NECAB3: variants seen among roughly 807,000 people sequenced by gnomAD.
NECAB3 encodes the protein N-terminal EF-hand calcium-binding protein 3.
Under a neutral mutation model 57.2 loss-of-function variants are expected in NECAB3, and 38 were observed. That is an observed-to-expected ratio of 0.66 (90% CI 0.51 to 0.87). The LOEUF (loss-of-function observed/expected upper bound fraction) is 0.87, where lower values mean the gene tolerates loss of function less well. Ranked by LOEUF, NECAB3 falls within the 40% of genes least tolerant of loss-of-function variation. The probability of loss-of-function intolerance (pLI) is 0.00; values close to 1 mark genes in which losing one functional copy is unlikely to be tolerated. For synonymous variants in NECAB3, 223 were observed against 222.6 expected (o/e 1.00, Z -0.02); for missense variants, 474 against 527.5 (o/e 0.90, Z 0.99).
intron 5 of NECAB3, chr20:33,662,290 A>AG (rs1244667523): frequency 2.6e-6 from 4 of 1,540,502 alleles, no homozygotes; most frequent in Non-Finnish European, 3.5e-6. Flanking sequence ...GCCAGGGCCC[A>AG]GGGGGCAGAG....
intron 2 of NECAB3, 51 bp downstream of exon 2, chr20:33,672,347 G>GGAT (rs752158923): frequency 6.2e-7 from 1 of 1,611,174 alleles, no homozygotes; most frequent in Non-Finnish European, 8.5e-7. Flanking sequence ...TGGGCCTCCT[G>GGAT]GATGCCTCCC....
intron 9 of NECAB3, 80 bp from the exon 10 acceptor site, chr20:33,658,634 C>G: frequency 1.9e-6 from 3 of 1,600,730 alleles, no homozygotes; most frequent in Non-Finnish European, 2.6e-6. Flanking sequence ...TCATGGGAAC[C>G]CTGACCCACC....
At chr20:33,662,452 T>G (rs909320290) in intron 5 of NECAB3, 1 of 1,551,628 alleles carries the variant, frequency 6.4e-7, no homozygotes, top group South Asian at 1.2e-5. Flanking sequence ...CTCAACCACC[T>G]CACTCGGAAG....
At chr20:33,664,037 A>C in intron 5 of NECAB3, 5 of 574,454 alleles carry the variant, frequency 8.7e-6, no homozygotes, top group Non-Finnish European at 2.8e-6. Context: ...GTCTGGAGCC[A>C]GGGCTGTCTT....
At chr20:33,669,771 G>T in intron 3 of NECAB3, 59 bp from the exon 4 acceptor site, 7 of 1,515,416 alleles carry the variant, frequency 4.6e-6, no homozygotes, top group Non-Finnish European at 6.2e-6. Flanking sequence ...GGACTAATGG[G>T]GCCAATGCCC....
At chr20:33,669,568 G>A in intron 4 of NECAB3, 96 bp from the exon 5 acceptor site, 6 of 1,547,488 alleles carry the variant, frequency 3.9e-6, no homozygotes, top group Non-Finnish European at 4.4e-6. Context: ...AGCCAAGCAG[G>A]CCTTATATCC....
In NECAB3 at chr20:33,660,820, C is replaced by T. The variant is rs114924871; in HGVS notation, c.388-425G>A. Among the ~76,000 whole-genome samples the T allele has an allele frequency of 2.6e-3, 390 of 152,340 alleles. 6 individuals carry two copies. Among genetic ancestry groups the T allele is most frequent in the African/African-American group, 9.0e-3 (375 of 41,564 alleles). On this transcript the variant is annotated intron_variant, in intron 5 of 11. Transcript: ENST00000246190. This position sits in a 1 kb window ranked among gnomAD's most constrained non-coding sequence, Gnocchi z 4.1. ...GGTGTGGCCCCAGACTCACAATCTA[C>T]GTATTCACTCATTCATTCATTCACT...
intron 1 of NECAB3, 112 bp from the exon 2 acceptor site, chr20:33,672,534 C>G: frequency 7.7e-7 from 1 of 1,306,430 alleles, no homozygotes; most frequent in South Asian, 1.2e-5. Context: ...CCTCGCCTTT[C>G]CTCCCGCCCA....
rs1049249205 is a variant in NECAB3 at position 33,660,772 on chromosome 20, G to A, written c.388-377C>T. Among the ~76,000 whole-genome samples the A allele has an allele frequency of 1.3e-5, 2 of 152,242 alleles. No individual in the cohort carries two copies. The highest frequency in any genetic ancestry group is 4.8e-5 in the African/African-American group (2 of 41,460). On this transcript the variant is annotated intron_variant, in intron 5 of 11. Coordinates refer to ENST00000246190, the MANE Select transcript of NECAB3 (RefSeq NM_031232.4). This position sits in a 1 kb window ranked among gnomAD's most constrained non-coding sequence, Gnocchi z 4.1. ...CACGAGGTATCCAAGGGCCAATGTT[G>A]ACACAAGGCAAAATAATGGCGTGGT...
rs114940043 is a variant in NECAB3 at position 33,670,353 on chromosome 20, C to T, written c.263+331G>A. On this transcript the variant is annotated intron_variant, in intron 3 of 11. Coordinates refer to ENST00000246190, the MANE Select transcript of NECAB3 (RefSeq NM_031232.4). Reference sequence around the variant, plus strand: ...GGAGCACACAAGGGGTAGATGGTTGCGTGTTTATGCACTGCATTCTCGGGT... The same window carrying T: ...GGAGCACACAAGGGGTAGATGGTTGTGTGTTTATGCACTGCATTCTCGGGT... The T allele has an allele frequency of 4.8e-3, 1,332 of 277,590 alleles. 12 individuals are homozygous for T. Among genetic ancestry groups the T allele is most frequent in the African/African-American group, 0.027 (1,208 of 45,516 alleles). The allele number at this position is 277,590 out of a possible 1,614,324, so 17.2% of individuals were successfully genotyped here.
At chr20:33,667,894 CT>C (rs1216593917) in intron 5 of NECAB3, 1 of 1,583,358 alleles carries the variant, frequency 6.3e-7, no homozygotes, top group Non-Finnish European at 8.6e-7. Context: ...GCCGGGCCTG[CT>C]GGGCCAGGCT....
intron 5 of NECAB3, chr20:33,665,209 A>T (rs1435783503): frequency 6.6e-6 from 1 of 152,326 alleles, no homozygotes; most frequent in Admixed American, 6.5e-5. Context: ...AGCGCAGTGG[A>T]TCACGCCTGT....
chr20:33,658,880 G>A (rs1199655472), intron 8 of NECAB3, 46 bp from the exon 9 acceptor site: 11 of 1,406,496 alleles, frequency 7.8e-6, no homozygotes, highest in South Asian at 1.2e-5. Context: ...CCGGGCACAG[G>A]GGAGGGACTG....
chr20:33,674,161 G>T, intron 1 of NECAB3, 63 bp downstream of exon 1: 1 of 1,230,568 alleles, frequency 8.1e-7, no homozygotes. Context: ...AACAACCCCG[G>T]AGGGTGAGAC....
Position 33,674,251 on chromosome 20 carries a change from C to T in NECAB3, c.102G>A (p.Gly34=). The T allele has an allele frequency of 8.1e-7, 1 of 1,236,530 alleles. No individual in the cohort carries two copies. The highest frequency in any genetic ancestry group is 1.0e-6 in the Non-Finnish European group (1 of 989,874). 76.6% of individuals were successfully genotyped at this position (1,236,530 alleles called of 1,614,324 possible). A position where few individuals can be genotyped will look rare whatever the true frequency, so the allele number is the denominator to read the frequency against. The change falls in exon 1 of 12, where the codon GGG becomes GGA. Residue 34 remains glycine, a synonymous_variant. Transcript: ENST00000246190. ...CCTGGAAGAGCGTGTGTCCGGCGGG[C>T]CCCGGGTCGGGCGCGAGCTGGGGGT... The part of the protein sequence containing the change: ...PRHPQLAPDP[G]PAGHTLFQDV...
intron 5 of NECAB3, chr20:33,662,898 G>T: frequency 5.4e-6 from 1 of 185,296 alleles, no homozygotes; most frequent in Non-Finnish European, 1.1e-5. Flanking sequence ...CAGCACCACT[G>T]CTCCAGCCTG....
chr20:33,658,977 G>C (rs2017371890), intron 8 of NECAB3, 143 bp from the exon 9 acceptor site: 1 of 632,738 alleles, frequency 1.6e-6, no homozygotes, highest in Admixed American at 2.5e-5. Context: ...CTGGAGTGCA[G>C]TGGTGTGTGG....
chr20:33,663,708 G>A (rs1008078035), intron 5 of NECAB3: 7 of 1,535,768 alleles, frequency 4.6e-6, no homozygotes, highest in African/African-American at 1.8e-5. Context: ...TGCTGCGGCG[G>A]CAAGAGGCGC....
At chr20:33,667,830 G>A (rs758710940) in intron 5 of NECAB3, 1 of 1,611,664 alleles carries the variant, frequency 6.2e-7, no homozygotes, top group Non-Finnish European at 8.5e-7. Context: ...TGGGTAACGG[G>A]TGCTGCGTCT....
Sources: allele counts gnomAD v4.1 joint callset (sites outside exome capture counted in the v4.1 genomes callset), GRCh38; gene constraint gnomAD v4.1.1; non-coding constraint Gnocchi (gnomAD v3.1); transcripts MANE v1.5; gene names NCBI Gene and HGNC (gene_info 2026-07-23, HGNC 2026-07-21).